CDC27: variants seen among roughly 807,000 people sequenced by gnomAD.
CDC27 encodes cell division cycle protein 27 homolog.
CDC27 carries 27 observed loss-of-function variants against 109.7 expected under a neutral mutation model. That is an observed-to-expected ratio of 0.25 (90% CI 0.18 to 0.34). The LOEUF is 0.34. Ranked by LOEUF, CDC27 falls within the 10% of genes least tolerant of loss-of-function variation. The pLI, the probability that CDC27 is intolerant of heterozygous loss-of-function variation, is 1.00. For synonymous variants in CDC27, 266 were observed against 333.9 expected (o/e 0.80, Z 2.22); for missense variants, 579 against 960.2 (o/e 0.60, Z 5.25).
chr17:47,171,830 GA>G, intron 3 of CDC27, 86 bp downstream of exon 3: 1 of 821,914 alleles, frequency 1.2e-6, no homozygotes, highest in Non-Finnish European at 1.9e-6. Flanking sequence ...GGAAGAAAGG[GA>G]ATCAGAGTTT....
At chr17:47,177,669 C>G (rs1036011690) in intron 2 of CDC27, among the ~76,000 whole-genome samples, 1 of 152,082 alleles carries the variant, frequency 6.6e-6, no homozygotes, top group Non-Finnish European at 1.5e-5. Context: ...GGGCTAGGAC[C>G]CTCAAAATAA....
intron 4 of CDC27, chr17:47,159,766 C>A (rs1244947894): frequency 2.3e-5 from 10 of 426,326 alleles, no homozygotes; most frequent in Admixed American, 1.9e-4. Flanking sequence ...AAACCTTGTG[C>A]TTGAGAGAGG....
chr17:47,163,170 T>G (rs1394664365), intron 4 of CDC27, among the ~76,000 whole-genome samples: 1 of 152,162 alleles, frequency 6.6e-6, no homozygotes, highest in Non-Finnish European at 1.5e-5. Flanking sequence ...GAATCAGACT[T>G]AGTATCAGTT....
rs368559383 is a variant in CDC27 at position 47,189,204 on chromosome 17, C to T, written c.-32G>A. The stretch of plus-strand genomic sequence containing the variant: ...GGCTCAGGCCCACTTTCTGCAGTGC[C>T]TCAGGCCCCCCCTGTAGCGGCTCCG... On this transcript the variant is annotated 5_prime_UTR_variant, in exon 1 of 19. Coordinates refer to ENST00000066544, the MANE Select transcript of CDC27 (RefSeq NM_001256.6). 8 of 1,588,360 alleles carry T rather than the reference C, an allele frequency of 5.0e-6. No homozygotes were observed. The Admixed American group carries it at 1.0e-4, about 20-fold the overall frequency.
chr17:47,124,003 A>T (rs771051841), intron 16 of CDC27, 43 bp from the exon 17 acceptor site: 201 of 1,405,032 alleles, frequency 1.4e-4, no homozygotes, highest in Admixed American at 2.5e-4. Context: ...AAAAATTTTT[A>T]AAGTTTTGAC....
intron 1 of CDC27, among the ~76,000 whole-genome samples, chr17:47,182,696 A>C (rs888849970): frequency 6.6e-6 from 1 of 152,210 alleles, no homozygotes; most frequent in East Asian, 1.9e-4. Context: ...TTCATTGCTG[A>C]ATAAATAATA....
At chr17:47,126,559 A>G (rs2062146432) in intron 16 of CDC27, among the ~76,000 whole-genome samples, 1 of 152,210 alleles carries the variant, frequency 6.6e-6, no homozygotes, top group African/African-American at 2.4e-5. Flanking sequence ...ATCATAGTCC[A>G]GACAACTGAT....
Position 47,137,371 on chromosome 17 carries a change from TG to T in CDC27, c.1705-12del, listed in dbSNP as rs776229474. 2 of 1,525,918 alleles carry T rather than the reference TG, an allele frequency of 1.3e-6. No individual in the cohort carries two copies. Among genetic ancestry groups the T allele is most frequent in the South Asian group, 1.2e-5 (1 of 80,116 alleles). The allele number at this position is 1,525,918 out of a possible 1,614,324, so 94.5% of individuals were successfully genotyped here. A position where few individuals can be genotyped will look rare whatever the true frequency, so the allele number is the denominator to read the frequency against. ...TGCAGCACACCAGGCCTTAAAAAAA[TG>T]GGAACAAAAACCAAACAGAATTAAA... On this transcript the variant is annotated splice_polypyrimidine_tract_variant and intron_variant, in intron 13 of 18. Coordinates refer to ENST00000066544, the MANE Select transcript of CDC27 (RefSeq NM_001256.6).
chr17:47,129,306 A>G, intron 16 of CDC27, 87 bp downstream of exon 16: 1 of 1,053,164 alleles, frequency 9.5e-7, no homozygotes, highest in Non-Finnish European at 1.4e-6. Flanking sequence ...TCAAAATTAA[A>G]TAAATAACTT....
In CDC27 at chr17:47,142,781, C is replaced by T. The variant is rs11570523; in HGVS notation, c.1171-345G>A. On this transcript the variant is annotated intron_variant, in intron 10 of 18. Coordinates refer to ENST00000066544, the MANE Select transcript of CDC27 (RefSeq NM_001256.6). ...CCAACCTCTGCCTCCCGGGTTCAAG[C>T]GATTCTCCTGCTTCAGCCTCCCGCG... Among the ~76,000 whole-genome samples the T allele has an allele frequency of 5.6e-3, 856 of 152,278 alleles. 15 individuals are homozygous for T. Among genetic ancestry groups the T allele is most frequent in the African/African-American group, 0.019 (804 of 41,556 alleles).
intron 9 of CDC27, among the ~76,000 whole-genome samples, chr17:47,147,918 A>G (rs1028796861): frequency 1.3e-5 from 2 of 148,650 alleles, no homozygotes; most frequent in African/African-American, 2.5e-5. Flanking sequence ...AAAAAAAAAA[A>G]GGCTGGGCGC....
In CDC27 at chr17:47,176,582, G is replaced by A. The variant is rs138263010; in HGVS notation, c.104-4518C>T. Among the ~76,000 whole-genome samples, 135 of 152,242 alleles carry A rather than the reference G, an allele frequency of 8.9e-4. 1 individual carries two copies. The highest frequency in any genetic ancestry group is 3.2e-3 in the African/African-American group (133 of 41,542). ...GGCAATATATGAGGAGAAAAAAGAT[G>A]GCCAAATTGTGCAGGGCTTTGTAAA... On this transcript the variant is annotated intron_variant, in intron 2 of 18. Transcript: ENST00000066544.
chr17:47,151,929 C>A lies in CDC27; in HGVS notation c.958-11G>T, dbSNP rs761087556. 1.2e-6 allele frequency: 2 copies of A among 1,602,458 alleles called. No homozygotes were observed. Among genetic ancestry groups the A allele is most frequent in the South Asian group, 1.1e-5 (1 of 87,822 alleles). The stretch of plus-strand genomic sequence containing the variant: ...GATTCTGGCAACAGACTGTAAAACA[C>A]GAAAAGTCTAAGGTTTGTGAATTAT... On this transcript the variant is annotated splice_polypyrimidine_tract_variant and intron_variant, in intron 8 of 18. Coordinates refer to ENST00000066544, the MANE Select transcript of CDC27 (RefSeq NM_001256.6).
rs1005192537 is a variant in CDC27, at chr17:47,163,443, G to A, written c.378-5140C>T. Among the ~76,000 whole-genome samples the A allele has an allele frequency of 5.3e-5, 8 of 152,168 alleles. No homozygotes were observed. The East Asian group carries it at 7.7e-4, about 15-fold the overall frequency. ...TGGCTGGGTGCTGTGGCTCATGCCTGTAATCCCAGCACTTTGGGAGGCTGA... is the reference window on the plus strand; with the variant it reads ...TGGCTGGGTGCTGTGGCTCATGCCTATAATCCCAGCACTTTGGGAGGCTGA... On this transcript the variant is annotated intron_variant, in intron 4 of 18. Coordinates refer to ENST00000066544, the MANE Select transcript of CDC27 (RefSeq NM_001256.6).
chr17:47,172,763 A>T (rs1164715456), intron 2 of CDC27, among the ~76,000 whole-genome samples: 1 of 152,122 alleles, frequency 6.6e-6, no homozygotes, highest in African/African-American at 2.4e-5. Context: ...TATTTAGTCT[A>T]TGTCTCTACT....
At chr17:47,148,946 GCACATGC>G (rs2063062504) in intron 9 of CDC27, among the ~76,000 whole-genome samples, 2 of 152,132 alleles carry the variant, frequency 1.3e-5, no homozygotes, top group South Asian at 4.2e-4. Flanking sequence ...GAGCATGATA[GCACATGC>G]CTGTAATCCC....
At chr17:47,173,661 A>G (rs2063886676) in intron 2 of CDC27, among the ~76,000 whole-genome samples, 1 of 152,086 alleles carries the variant, frequency 6.6e-6, no homozygotes, top group African/African-American at 2.4e-5. Context: ...CCTAATAAAG[A>G]CACCAACTAT....
chr17:47,161,951 ATCTACT>A (rs938775930), intron 4 of CDC27: 3 of 152,142 alleles, frequency 2.0e-5, no homozygotes, highest in African/African-American at 7.2e-5. Context: ...TGACAACTAA[ATCTACT>A]TCTAACTTCA....
chr17:47,179,052 T>A (rs1416348994), intron 2 of CDC27, among the ~76,000 whole-genome samples: 5 of 152,210 alleles, frequency 3.3e-5, no homozygotes, highest in African/African-American at 1.2e-4. Flanking sequence ...TCTGCCCACC[T>A]CAGCCTCCCA....
Sources: gnomAD v4.1 joint callset for allele counts (sites outside exome capture counted in the v4.1 genomes callset) on GRCh38, gnomAD v4.1.1 for gene constraint, MANE v1.5 for transcripts, NCBI Gene and HGNC (gene_info 2026-07-23, HGNC 2026-07-21) for gene names.